The following PDE11A variants were observed in gnomAD, a reference collection of about 807,000 sequenced individuals.
PDE11A encodes the protein phosphodiesterase 11A, also known as dual 3',5'-cyclic-AMP and -GMP phosphodiesterase 11A.
PDE11A carries 100 observed loss-of-function variants against 100.5 expected under a neutral mutation model. That is an observed-to-expected ratio of 1.00 (90% CI 0.85 to 1.18). The LOEUF is 1.18. Ranked by LOEUF, PDE11A falls within the 50% of genes most tolerant of loss-of-function variation. The pLI, the probability that PDE11A is intolerant of heterozygous loss-of-function variation, is 0.00. For missense variants in PDE11A, 1,141 were observed against 1,152.6 expected (o/e 0.99, Z 0.15); for synonymous variants, 381 against 420.8 (o/e 0.91, Z 1.16).
chr2:177,915,731 T>C (rs1049484082), intron 2 of PDE11A, among the ~76,000 whole-genome samples: 6 of 152,248 alleles, frequency 3.9e-5, no homozygotes, highest in African/African-American at 1.4e-4. Context: ...AATTGCTGGA[T>C]TGCATGGTAA....
chr2:177,927,096 C>T (rs1422344799), intron 2 of PDE11A: 1 of 152,224 alleles, frequency 6.6e-6, no homozygotes, highest in Non-Finnish European at 1.5e-5. Context: ...ATATTCCACT[C>T]TCATTTTCTC....
At chr2:178,056,010 T>C (rs1166280727) in intron 1 of PDE11A, among the ~76,000 whole-genome samples, 1 of 152,074 alleles carries the variant, frequency 6.6e-6, no homozygotes, top group Non-Finnish European at 1.5e-5. Context: ...TAAGGTTCTG[T>C]GTAGTTTTTA....
intron 9 of PDE11A, among the ~76,000 whole-genome samples, chr2:177,789,409 A>T (rs898139113): frequency 8.4e-4 from 128 of 152,040 alleles, no homozygotes; most frequent in South Asian, 1.5e-3. Flanking sequence ...AGAGCTATCT[A>T]TGACAAACCC....
At chr2:178,050,820 A>T (rs565897177) in intron 1 of PDE11A, among the ~76,000 whole-genome samples, 2 of 152,236 alleles carry the variant, frequency 1.3e-5, no homozygotes, top group Admixed American at 1.3e-4. Flanking sequence ...AAGAGTAAAA[A>T]GAAATGAACA....
chr2:177,742,294 G>A (rs1299633598), intron 10 of PDE11A, among the ~76,000 whole-genome samples: 1 of 151,834 alleles, frequency 6.6e-6, no homozygotes, highest in Non-Finnish European at 1.5e-5. Context: ...CCCTTCTCGG[G>A]GAGCCCTAGT....
intron 4 of PDE11A, among the ~76,000 whole-genome samples, chr2:177,889,395 A>C (rs2084493237): frequency 6.6e-6 from 1 of 152,170 alleles, no homozygotes. Context: ...AGTCGGTATC[A>C]GTTTTGCCTG....
At chr2:177,993,373 T>A (rs551286726) in intron 2 of PDE11A, among the ~76,000 whole-genome samples, 45 of 150,672 alleles carry the variant, frequency 3.0e-4, no homozygotes, top group East Asian at 7.8e-4. Context: ...TTCTTCTTTT[T>A]AAAAAAAAAA....
intron 7 of PDE11A, among the ~76,000 whole-genome samples, chr2:177,819,890 C>CTCTCTCTCTCTG (rs1558954590): frequency 1.4e-5 from 2 of 138,872 alleles, no homozygotes; most frequent in African/African-American, 6.0e-5. Flanking sequence ...CTCTCTCTCT[C>CTCTCTCTCTCTG]TCTCTGTCTC....
At chr2:177,761,075 C>T (rs1048020333) in intron 10 of PDE11A, among the ~76,000 whole-genome samples, 1 of 152,044 alleles carries the variant, frequency 6.6e-6, no homozygotes, top group African/African-American at 2.4e-5. Flanking sequence ...TAGGAGGATA[C>T]ATGAATGAAG....
At chr2:177,699,375 G>A (rs1217253892) in intron 14 of PDE11A, among the ~76,000 whole-genome samples, 1 of 152,164 alleles carries the variant, frequency 6.6e-6, no homozygotes, top group Non-Finnish European at 1.5e-5. Flanking sequence ...CACCAATGTG[G>A]TCTCTTGTTG....
intron 2 of PDE11A, among the ~76,000 whole-genome samples, chr2:177,964,506 T>A (rs533862439): frequency 1.1e-4 from 16 of 152,270 alleles, no homozygotes; most frequent in Non-Finnish European, 2.1e-4. Flanking sequence ...GCATAGTGCC[T>A]GATAGGTAGT....
chr2:178,071,494 C>A (rs1196204069), intron 1 of PDE11A, 32 bp downstream of exon 1: 2 of 1,612,756 alleles, frequency 1.2e-6, no homozygotes, highest in East Asian at 4.5e-5. Context: ...GCCAATGGGG[C>A]TCTGGGAGAA....
At chr2:177,773,411 A>G (rs1467674341) in intron 9 of PDE11A, among the ~76,000 whole-genome samples, 1 of 152,192 alleles carries the variant, frequency 6.6e-6, no homozygotes, top group Non-Finnish European at 1.5e-5. Flanking sequence ...TAGGTCTATG[A>G]TACATCTGAA....
At chr2:177,638,657 T>G (rs1458308764) in intron 19 of PDE11A, among the ~76,000 whole-genome samples, 1 of 152,264 alleles carries the variant, frequency 6.6e-6, no homozygotes, top group East Asian at 1.9e-4. Context: ...TCAGGTTATT[T>G]GGAAATAATT....
intron 19 of PDE11A, among the ~76,000 whole-genome samples, chr2:177,637,989 A>ATC (rs2080072267): frequency 2.1e-5 from 1 of 47,556 alleles, no homozygotes; most frequent in Non-Finnish European, 4.4e-5. Flanking sequence ...GTATATATAT[A>ATC]TATATATATT....
At chr2:178,030,165 A>G (rs1204909370) in intron 1 of PDE11A, among the ~76,000 whole-genome samples, 1 of 152,236 alleles carries the variant, frequency 6.6e-6, no homozygotes, top group Admixed American at 6.5e-5. Flanking sequence ...CAGGAGAGAA[A>G]AAAAAGAGAG....
intron 4 of PDE11A, among the ~76,000 whole-genome samples, chr2:177,892,908 C>T (rs1366967819): frequency 6.6e-6 from 1 of 152,224 alleles, no homozygotes; most frequent in Non-Finnish European, 1.5e-5. Flanking sequence ...GCCTCTCATG[C>T]TCCTTTGGGA....
chr2:177,787,739 T>C (rs2082559525), intron 9 of PDE11A, among the ~76,000 whole-genome samples: 1 of 151,528 alleles, frequency 6.6e-6, no homozygotes, highest in African/African-American at 2.4e-5. Flanking sequence ...GTTGCAATCC[T>C]AGTCCCTGAT....
intron 9 of PDE11A, among the ~76,000 whole-genome samples, chr2:177,799,987 C>T (rs1434233407): frequency 1.3e-5 from 2 of 152,068 alleles, no homozygotes; most frequent in South Asian, 2.1e-4. Flanking sequence ...ATTTTACTGG[C>T]GTTAATTCAC....
Sources: gnomAD v4.1 joint callset for allele counts (sites outside exome capture counted in the v4.1 genomes callset) on GRCh38, gnomAD v4.1.1 for gene constraint, MANE v1.5 for transcripts, NCBI Gene and HGNC (gene_info 2026-07-23, HGNC 2026-07-21) for gene names.